The following SLC38A9 variants were observed in gnomAD, a reference collection of about 807,000 sequenced individuals.
SLC38A9 encodes the protein neutral amino acid transporter 9.
In SLC38A9, 48 loss-of-function variants were observed where a neutral mutation model predicts 62.3. The observed-to-expected ratio is 0.77, with a 90% CI of 0.61 to 0.98. The LOEUF (loss-of-function observed/expected upper bound fraction) is 0.98. Ranked by LOEUF, SLC38A9 falls within the 50% of genes least tolerant of loss-of-function variation. SLC38A9 has a pLI of 0.00. For missense variants in SLC38A9, 541 were observed against 679.8 expected (o/e 0.80, Z 2.27); for synonymous variants, 204 against 227.7 (o/e 0.90, Z 0.94).
chr5:55,689,939 T>C (rs1197846160), intron 3 of SLC38A9, among the ~76,000 whole-genome samples: 1 of 151,702 alleles, frequency 6.6e-6, no homozygotes, highest in Non-Finnish European at 1.5e-5. Flanking sequence ...AAACAAATAG[T>C]AAAATCAATT....
chr5:55,662,150 T>C (rs1264024498), intron 8 of SLC38A9, among the ~76,000 whole-genome samples: 1 of 152,200 alleles, frequency 6.6e-6, no homozygotes, highest in African/African-American at 2.4e-5. Context: ...GGTCCATAAC[T>C]TGGAGAAATT....
At chr5:55,687,000 G>A (rs1411688505) in intron 3 of SLC38A9, among the ~76,000 whole-genome samples, 1 of 150,454 alleles carries the variant, frequency 6.6e-6, no homozygotes, top group Non-Finnish European at 1.5e-5. Context: ...CCAGTACCAT[G>A]CTGTTTTGGT....
intron 14 of SLC38A9, chr5:55,633,294 A>C (rs1743835060): frequency 6.5e-6 from 1 of 153,294 alleles, no homozygotes; most frequent in African/African-American, 2.4e-5. Context: ...GGCATGAGCC[A>C]CTGAGCCGGG....
rs1742739233 is a variant in SLC38A9, at chr5:55,627,871, A to G, written c.1520+20T>C. The G allele has an allele frequency of 1.4e-6, 2 of 1,459,556 alleles. No individual in the cohort carries two copies. Among genetic ancestry groups the G allele is most frequent in the Non-Finnish European group, 9.6e-7 (1 of 1,042,760 alleles). The allele number at this position is 1,459,556 out of a possible 1,614,324, so 90.4% of individuals were successfully genotyped here. A position where few individuals can be genotyped will look rare whatever the true frequency, so the allele number is the denominator to read the frequency against. On this transcript the variant is annotated intron_variant, in intron 15 of 15. Coordinates refer to ENST00000396865, the MANE Select transcript of SLC38A9 (RefSeq NM_173514.4). ...AAAGACCAATATATGTAAGGGCACC[A>G]TTCCCTTACAAGGCAGTACCTTATG...
At chr5:55,678,021 A>G (rs1310941953) in intron 3 of SLC38A9, among the ~76,000 whole-genome samples, 2 of 145,662 alleles carry the variant, frequency 1.4e-5, no homozygotes, top group African/African-American at 5.1e-5. Context: ...TAGAGCTAGG[A>G]GGGTGTCAGA....
chr5:55,688,398 TTAA>T (rs1754247429), intron 3 of SLC38A9, among the ~76,000 whole-genome samples: 2 of 149,954 alleles, frequency 1.3e-5, no homozygotes, highest in African/African-American at 4.9e-5. Flanking sequence ...TTTTTTTTTT[TTAA>T]GACAGTCTCA....
At chr5:55,630,921 C>G (rs1743324641) in intron 14 of SLC38A9, among the ~76,000 whole-genome samples, 1 of 152,106 alleles carries the variant, frequency 6.6e-6, no homozygotes, top group Non-Finnish European at 1.5e-5. Context: ...CACCTGAGGT[C>G]AGGAGTTCAA....
At chr5:55,659,431 A>G (rs1749077133) in intron 8 of SLC38A9, among the ~76,000 whole-genome samples, 1 of 129,658 alleles carries the variant, frequency 7.7e-6, no homozygotes, top group Non-Finnish European at 1.6e-5. Context: ...CTTGTTGCCC[A>G]GGCTTGAGTG....
At chr5:55,654,880 C>T (rs1441405525) in intron 9 of SLC38A9, among the ~76,000 whole-genome samples, 2 of 152,078 alleles carry the variant, frequency 1.3e-5, no homozygotes, top group African/African-American at 4.8e-5. Context: ...CTCACTCACT[C>T]AGGCTGGAGG....
chr5:55,653,051 C>A (rs747592807), intron 9 of SLC38A9, among the ~76,000 whole-genome samples: 13 of 152,132 alleles, frequency 8.5e-5, no homozygotes, highest in Non-Finnish European at 1.9e-4. Context: ...ACTGCAACCT[C>A]CGCCTCCTGG....
intron 3 of SLC38A9, among the ~76,000 whole-genome samples, chr5:55,689,020 A>G (rs1358867542): frequency 6.6e-6 from 1 of 152,222 alleles, no homozygotes; most frequent in African/African-American, 2.4e-5. Flanking sequence ...AGTAAAAACT[A>G]GTGTTATTTT....
intron 9 of SLC38A9, among the ~76,000 whole-genome samples, chr5:55,655,040 A>G (rs111609448): frequency 2.0e-5 from 3 of 151,998 alleles, no homozygotes; most frequent in Non-Finnish European, 4.4e-5. Context: ...GGGTCTTGCT[A>G]TGTTGCCCAG....
chr5:55,639,015 C>T lies in SLC38A9; in HGVS notation c.1168-3358G>A, dbSNP rs548053890. Reference sequence around the variant, plus strand: ...CTAATCCCCTTTTTTTGGTAAGATACGACAAAAGAATAGAAATGATGGCCA... The same window carrying T: ...CTAATCCCCTTTTTTTGGTAAGATATGACAAAAGAATAGAAATGATGGCCA... On this transcript the variant is annotated intron_variant, in intron 12 of 15. Coordinates refer to ENST00000396865, the MANE Select transcript of SLC38A9 (RefSeq NM_173514.4). 1.4e-4 allele frequency among the ~76,000 whole-genome samples: 21 copies of T among 152,054 alleles called. No individual in the cohort carries two copies. In the South Asian group the frequency reaches 1.9e-3, roughly 14 times the overall value.
chr5:55,700,863 T>A (rs749779198), intron 2 of SLC38A9, among the ~76,000 whole-genome samples: 2 of 152,132 alleles, frequency 1.3e-5, no homozygotes, highest in African/African-American at 2.4e-5. Context: ...ACGTCACTGG[T>A]CCCTCCTCCT....
chr5:55,633,568 TTCTA>T, intron 14 of SLC38A9, 182 bp downstream of exon 14: 1 of 665,156 alleles, frequency 1.5e-6, no homozygotes, highest in Non-Finnish European at 2.4e-6. Context: ...CTTTAAATCA[TTCTA>T]GACAAGGGAG....
intron 14 of SLC38A9, 46 bp downstream of exon 14, chr5:55,633,708 C>T: frequency 6.2e-7 from 1 of 1,613,114 alleles, no homozygotes. Flanking sequence ...CTTGCACAGT[C>T]ATTTGTTGCT....
In SLC38A9 at chr5:55,635,537, G is replaced by A. The variant is rs1462988539; in HGVS notation, c.1281+7C>T. 5 of 1,585,612 alleles carry A rather than the reference G, an allele frequency of 3.2e-6. No homozygotes were observed. Among genetic ancestry groups the A allele is most frequent in the Non-Finnish European group, 4.3e-6 (5 of 1,154,182 alleles). Reference sequence around the variant, plus strand: ...CAATCACACAGAGAGGGTACACGGTGCCTTACCTGCTCAATACAATCTTTG... The same window carrying A: ...CAATCACACAGAGAGGGTACACGGTACCTTACCTGCTCAATACAATCTTTG... On this transcript the variant is annotated splice_region_variant and intron_variant, in intron 13 of 15. Coordinates refer to ENST00000396865, the MANE Select transcript of SLC38A9 (RefSeq NM_173514.4).
intron 2 of SLC38A9, among the ~76,000 whole-genome samples, chr5:55,706,273 T>C (rs1446483178): frequency 1.3e-5 from 2 of 152,218 alleles, no homozygotes; most frequent in South Asian, 2.1e-4. Flanking sequence ...GGCAGAAATA[T>C]ATGGCTATAC....
chr5:55,650,558 C>T (rs746841576), intron 10 of SLC38A9, among the ~76,000 whole-genome samples: 8 of 152,082 alleles, frequency 5.3e-5, no homozygotes, highest in Non-Finnish European at 1.0e-4. Context: ...CAGGAAACCA[C>T]GAATGAGCGA....
Sources: allele counts gnomAD v4.1 joint callset (sites outside exome capture counted in the v4.1 genomes callset), GRCh38; gene constraint gnomAD v4.1.1; transcripts MANE v1.5; gene names NCBI Gene and HGNC (gene_info 2026-07-23, HGNC 2026-07-21).